The following NCBP2AS2 variants were observed in gnomAD, a reference collection of about 807,000 sequenced individuals.
NCBP2AS2 encodes protein NCBP2AS2.
For missense variants in NCBP2AS2, 125 were observed against 56.0 expected (o/e 2.23, Z -3.93); for synonymous variants, 67 against 28.0 (o/e 2.39, Z -4.40).
rs1393967219 is a variant in NCBP2AS2 at position 196,942,839 on chromosome 3, G to A, written c.123G>A (p.Gln41=). ...QLTAFALLQA[Q]LRGQDAARRL... The stretch of plus-strand genomic sequence containing the variant: ...CGGCCTTCGCACTGCTGCAGGCCCA[G>A]CTGCGGGGCCAGGACGCGGCCCGCC... The change falls in exon 1 of 1, where the codon CAG becomes CAA. Residue 41 remains glutamine (Q), a synonymous_variant. Transcript: ENST00000602845. 5 of 697,884 alleles carry A rather than the reference G, an allele frequency of 7.2e-6. No individual in the cohort carries two copies. The highest frequency in any genetic ancestry group is 1.0e-5 in the Non-Finnish European group (4 of 382,858). The allele number at this position is 697,884 out of a possible 1,614,324, so 43.2% of individuals were successfully genotyped here.
Position 196,943,177 on chromosome 3 carries a change from C to G in NCBP2AS2, c.*161C>G, listed in dbSNP as rs949284005. 2 of 557,584 alleles carry G rather than the reference C, an allele frequency of 3.6e-6. No individual in the cohort carries two copies. Among genetic ancestry groups the G allele is most frequent in the African/African-American group, 4.1e-5 (2 of 49,166 alleles). 34.5% of individuals were successfully genotyped at this position (557,584 alleles called of 1,614,324 possible). A position where few individuals can be genotyped will look rare whatever the true frequency, so the allele number is the denominator to read the frequency against. ...GCATAAGAGCCTAGGCCAGACCGCC[C>G]GCTCCGTTGAAGTCTTGTGATTGGA... On this transcript the variant is annotated 3_prime_UTR_variant, in exon 1 of 1. Coordinates refer to ENST00000602845, the MANE Select transcript of NCBP2AS2 (RefSeq NM_001355243.2).
chr3:196,943,313 C>A lies in NCBP2AS2; in HGVS notation c.*297C>A. On this transcript the variant is annotated 3_prime_UTR_variant, in exon 1 of 1. Transcript: ENST00000602845. ...CCGAAGCCAGAGAGCCTTTCCTCTGCAAGTGGGACTGAAACTCTTGACAGA... is the reference window on the plus strand; with the variant it reads ...CCGAAGCCAGAGAGCCTTTCCTCTGAAAGTGGGACTGAAACTCTTGACAGA... 2.6e-6 allele frequency: 1 copy of A among 381,838 alleles called. No homozygotes were observed. Among genetic ancestry groups the A allele is most frequent in the Non-Finnish European group, 4.7e-6 (1 of 214,104 alleles). 23.7% of individuals were successfully genotyped at this position (381,838 alleles called of 1,614,324 possible).
rs879354310 is a variant in NCBP2AS2 at position 196,942,705 on chromosome 3, C to G, written c.-12C>G. The G allele has an allele frequency of 6.9e-6, 5 of 722,590 alleles. No homozygotes were observed. In the South Asian group the frequency reaches 7.5e-5, roughly 11 times the overall value. The allele number at this position is 722,590 out of a possible 1,614,324, so 44.8% of individuals were successfully genotyped here. On this transcript the variant is annotated 5_prime_UTR_variant, in exon 1 of 1. Coordinates refer to ENST00000602845, the MANE Select transcript of NCBP2AS2 (RefSeq NM_001355243.2). ...GAGGGCGGCGAGGTCGGGTTCCGGG[C>G]GCTTGGAGAAGATGGTGCTGCGGCG...
In NCBP2AS2 at chr3:196,942,906, C is replaced by T; in HGVS notation, c.190C>T (p.Arg64Cys). 1.4e-6 allele frequency: 1 copy of T among 700,924 alleles called. No individual in the cohort carries two copies. Among genetic ancestry groups the T allele is most frequent in the Non-Finnish European group, 2.6e-6 (1 of 384,166 alleles). The allele number at this position is 700,924 out of a possible 1,614,324, so 43.4% of individuals were successfully genotyped here. A position where few individuals can be genotyped will look rare whatever the true frequency, so the allele number is the denominator to read the frequency against. Residue 64 changes from arginine (R) to cysteine (C), a missense_variant, in exon 1 of 1, where the codon CGC becomes TGC. Physicochemically the swap from Arg to Cys is radical, Grantham distance 180. Coordinates refer to ENST00000602845, the MANE Select transcript of NCBP2AS2 (RefSeq NM_001355243.2). ...GGCTGGGCCCGTGGGCTCCCTGTGC[C>T]GCCGCGCTGAGCGATTTAGAGACGC... ...LAAGPVGSLC[R>C]RAERFRDAFT...
chr3:196,942,680 G>A lies in NCBP2AS2; in HGVS notation c.-37G>A, dbSNP rs552117421. 12 of 795,582 alleles carry A rather than the reference G, an allele frequency of 1.5e-5. No homozygotes were observed. Among genetic ancestry groups the A allele is most frequent in the Non-Finnish European group, 2.3e-5 (11 of 484,502 alleles). 49.3% of individuals were successfully genotyped at this position (795,582 alleles called of 1,614,324 possible). On this transcript the variant is annotated 5_prime_UTR_variant, in exon 1 of 1. Transcript: ENST00000602845. ...GGTCGGGCGCCGCGGGGCGGAAGAC[G>A]AGGGCGGCGAGGTCGGGTTCCGGGC... is the stretch of plus-strand genomic sequence containing the variant.
In NCBP2AS2 at chr3:196,942,908, C is replaced by G. The variant is rs986977168; in HGVS notation, c.192C>G (p.Arg64=). 6 of 700,798 alleles carry G rather than the reference C, an allele frequency of 8.6e-6. No homozygotes were observed. In the Admixed American group the frequency reaches 1.2e-4, roughly 14 times the overall value. The allele number at this position is 700,798 out of a possible 1,614,324, so 43.4% of individuals were successfully genotyped here. A position where few individuals can be genotyped will look rare whatever the true frequency, so the allele number is the denominator to read the frequency against. The change falls in exon 1 of 1, where the codon CGC becomes CGG. Residue 64 remains arginine, a synonymous_variant. Transcript: ENST00000602845. ...LAAGPVGSLC[R]RAERFRDAFT... is the part of the protein sequence containing the mutation. ...CTGGGCCCGTGGGCTCCCTGTGCCG[C>G]CGCGCTGAGCGATTTAGAGACGCCT... is the stretch of plus-strand genomic sequence containing the variant.
rs1716699042 is a variant in NCBP2AS2 at position 196,943,160 on chromosome 3, G to T, written c.*144G>T. On this transcript the variant is annotated 3_prime_UTR_variant, in exon 1 of 1. Transcript: ENST00000602845. ...GCCTGCAGACATCCCACGCATAAGAGCCTAGGCCAGACCGCCCGCTCCGTT... is the reference window on the plus strand; with the variant it reads ...GCCTGCAGACATCCCACGCATAAGATCCTAGGCCAGACCGCCCGCTCCGTT... 1 of 570,920 alleles carries T rather than the reference G, an allele frequency of 1.8e-6. No individual in the cohort carries two copies. The allele number at this position is 570,920 out of a possible 1,614,324, so 35.4% of individuals were successfully genotyped here. A position where few individuals can be genotyped will look rare whatever the true frequency, so the allele number is the denominator to read the frequency against.
In NCBP2AS2 at chr3:196,943,015, A is replaced by G. The variant is rs1292160837; in HGVS notation, c.299A>G (p.Ter100=). 2 of 674,820 alleles carry G rather than the reference A, an allele frequency of 3.0e-6. No homozygotes were observed. Among genetic ancestry groups the G allele is most frequent in the East Asian group, 5.6e-5 (2 of 35,800 alleles). The allele number at this position is 674,820 out of a possible 1,614,324, so 41.8% of individuals were successfully genotyped here. A position where few individuals can be genotyped will look rare whatever the true frequency, so the allele number is the denominator to read the frequency against. ...CAGAGGGGCCCTGGCGCAAACATTT[A>G]ATCCTGGGCTGTGCGGGGCCGAGGC... ...GSQRGPGANI[*] is the part of the protein sequence containing the mutation. The change falls in exon 1 of 1, where the codon TAA becomes TGA. Residue 100 remains the stop codon, a stop_retained_variant. Coordinates refer to ENST00000602845, the MANE Select transcript of NCBP2AS2 (RefSeq NM_001355243.2).
chr3:196,942,767 G>T lies in NCBP2AS2; in HGVS notation c.51G>T (p.Val17=). The T allele has an allele frequency of 1.4e-6, 1 of 700,590 alleles. No homozygotes were observed. The allele number at this position is 700,590 out of a possible 1,614,324, so 43.4% of individuals were successfully genotyped here. The change falls in exon 1 of 1, where the codon GTG becomes GTT. Residue 17 remains valine (V), a synonymous_variant. Transcript: ENST00000602845. ...CCCTGCTGCACAGCCCGCAGCTGGT[G>T]GAACGTCTGTCAGAGTCGCGGCCTA... ...LAALLHSPQL[V]ERLSESRPIR...
rs1027647143 is a variant in NCBP2AS2, at chr3:196,942,685, C to T, written c.-32C>T. The T allele has an allele frequency of 1.5e-5, 12 of 779,286 alleles. No individual in the cohort carries two copies. Among genetic ancestry groups the T allele is most frequent in the South Asian group, 6.0e-5 (4 of 66,590 alleles). 48.3% of individuals were successfully genotyped at this position (779,286 alleles called of 1,614,324 possible). On this transcript the variant is annotated 5_prime_UTR_variant, in exon 1 of 1. Transcript: ENST00000602845. ...GGCGCCGCGGGGCGGAAGACGAGGG[C>T]GGCGAGGTCGGGTTCCGGGCGCTTG...
In NCBP2AS2 at chr3:196,943,071, G is replaced by T. The variant is rs1247200684; in HGVS notation, c.*55G>T. Reference sequence around the variant, plus strand: ...GCTTTTCCTTCCGGGCTCTACAGTGGCATCAATGTGGAGGGGTCATTCCGG... The same window carrying T: ...GCTTTTCCTTCCGGGCTCTACAGTGTCATCAATGTGGAGGGGTCATTCCGG... On this transcript the variant is annotated 3_prime_UTR_variant, in exon 1 of 1. Coordinates refer to ENST00000602845, the MANE Select transcript of NCBP2AS2 (RefSeq NM_001355243.2). 3 of 640,272 alleles carry T rather than the reference G, an allele frequency of 4.7e-6. No individual in the cohort carries two copies. Among genetic ancestry groups the T allele is most frequent in the Non-Finnish European group, 2.8e-6 (1 of 363,170 alleles). 39.7% of individuals were successfully genotyped at this position (640,272 alleles called of 1,614,324 possible).
rs750096950 is a variant in NCBP2AS2 at position 196,942,731 on chromosome 3, G to A, written c.15G>A (p.Arg5=). 11 of 699,492 alleles carry A rather than the reference G, an allele frequency of 1.6e-5. No individual in the cohort carries two copies. The highest frequency in any genetic ancestry group is 2.8e-5 in the Non-Finnish European group (11 of 387,934). 43.3% of individuals were successfully genotyped at this position (699,492 alleles called of 1,614,324 possible). The part of the protein sequence containing the change: MVLR[R]LLAALLHSPQ... ...GCTTGGAGAAGATGGTGCTGCGGCG[G>A]CTGCTGGCCGCCCTGCTGCACAGCC... The change falls in exon 1 of 1, where the codon CGG becomes CGA. Residue 5 remains arginine, a synonymous_variant. Coordinates refer to ENST00000602845, the MANE Select transcript of NCBP2AS2 (RefSeq NM_001355243.2).
At position 196,942,926 on chromosome 3, in the gene NCBP2AS2, A is replaced by G. The variant is rs61731269; in HGVS notation, c.210A>G (p.Arg70=). The G allele has an allele frequency of 4.5e-4, 315 of 701,290 alleles. 1 individual carries two copies. In the African/African-American group the frequency reaches 5.1e-3, roughly 11 times the overall value. The allele number at this position is 701,290 out of a possible 1,614,324, so 43.4% of individuals were successfully genotyped here. A position where few individuals can be genotyped will look rare whatever the true frequency, so the allele number is the denominator to read the frequency against. The change falls in exon 1 of 1, where the codon AGA becomes AGG. Residue 70 remains arginine, a synonymous_variant. Coordinates refer to ENST00000602845, the MANE Select transcript of NCBP2AS2 (RefSeq NM_001355243.2). ...TGTGCCGCCGCGCTGAGCGATTTAG[A>G]GACGCCTTCACCCAGGAGCTACGCC... ...GSLCRRAERF[R]DAFTQELRRG... is the part of the protein sequence containing the mutation.
Position 196,943,444 on chromosome 3 carries a change from G to C in NCBP2AS2, c.*428G>C, listed in dbSNP as rs537355177. The C allele has an allele frequency of 1.7e-5, 3 of 178,812 alleles. No individual in the cohort carries two copies. The highest frequency in any genetic ancestry group is 7.2e-5 in the African/African-American group (3 of 41,856). The allele number at this position is 178,812 out of a possible 1,614,324, so 11.1% of individuals were successfully genotyped here. A position where few individuals can be genotyped will look rare whatever the true frequency, so the allele number is the denominator to read the frequency against. On this transcript the variant is annotated 3_prime_UTR_variant, in exon 1 of 1. Coordinates refer to ENST00000602845, the MANE Select transcript of NCBP2AS2 (RefSeq NM_001355243.2). ...ATTCCTTTGATTAAATGTGTGAGCT[G>C]GTTGATAGGCATGAGTGTGATACTT...
Position 196,943,071 on chromosome 3 carries a change from G to C in NCBP2AS2, c.*55G>C, listed in dbSNP as rs1247200684. 20 of 640,272 alleles carry C rather than the reference G, an allele frequency of 3.1e-5. 1 individual carries two copies. In the South Asian group the frequency reaches 3.4e-4, roughly 11 times the overall value. 39.7% of individuals were successfully genotyped at this position (640,272 alleles called of 1,614,324 possible). Reference sequence around the variant, plus strand: ...GCTTTTCCTTCCGGGCTCTACAGTGGCATCAATGTGGAGGGGTCATTCCGG... The same window carrying C: ...GCTTTTCCTTCCGGGCTCTACAGTGCCATCAATGTGGAGGGGTCATTCCGG... On this transcript the variant is annotated 3_prime_UTR_variant, in exon 1 of 1. Transcript: ENST00000602845.
At position 196,943,111 on chromosome 3, in the gene NCBP2AS2, T is replaced by G. The variant is rs1008385859; in HGVS notation, c.*95T>G. 3.8e-5 allele frequency: 23 copies of G among 606,222 alleles called. No individual in the cohort carries two copies. Among genetic ancestry groups the G allele is most frequent in the African/African-American group, 3.7e-4 (19 of 50,826 alleles). The allele number at this position is 606,222 out of a possible 1,614,324, so 37.6% of individuals were successfully genotyped here. A position where few individuals can be genotyped will look rare whatever the true frequency, so the allele number is the denominator to read the frequency against. ...GGTCATTCCGGGCACTGCGCGCGGC[T>G]TCGAATCCCGACTGGGATTGTTGGC... On this transcript the variant is annotated 3_prime_UTR_variant, in exon 1 of 1. Coordinates refer to ENST00000602845, the MANE Select transcript of NCBP2AS2 (RefSeq NM_001355243.2).
chr3:196,942,675 A>AAGACGAGGGCGGC lies in NCBP2AS2; in HGVS notation c.-41_-29dup, dbSNP rs1188500847. ...GTCCGGGTCGGGCGCCGCGGGGCGGAAGACGAGGGCGGCGAGGTCGGGTTC... is the reference window on the plus strand; with the variant it reads ...GTCCGGGTCGGGCGCCGCGGGGCGGAAGACGAGGGCGGCAGACGAGGGCGGCGAGGTCGGGTTC... On this transcript the variant is annotated 5_prime_UTR_variant, in exon 1 of 1. Transcript: ENST00000602845. 2.4e-6 allele frequency: 2 copies of AAGACGAGGGCGGC among 835,902 alleles called. No homozygotes were observed. Among genetic ancestry groups the AAGACGAGGGCGGC allele is most frequent in the East Asian group, 5.4e-5 (2 of 37,354 alleles). The allele number at this position is 835,902 out of a possible 1,614,324, so 51.8% of individuals were successfully genotyped here.
rs1328318089 is a variant in NCBP2AS2, at chr3:196,943,040, C to T, written c.*24C>T. 3 of 654,998 alleles carry T rather than the reference C, an allele frequency of 4.6e-6. No homozygotes were observed. Among genetic ancestry groups the T allele is most frequent in the East Asian group, 2.8e-5 (1 of 35,206 alleles). 40.6% of individuals were successfully genotyped at this position (654,998 alleles called of 1,614,324 possible). ...AATCCTGGGCTGTGCGGGGCCGAGGCCGCTTGCTTTTCCTTCCGGGCTCTA... is the reference window on the plus strand; with the variant it reads ...AATCCTGGGCTGTGCGGGGCCGAGGTCGCTTGCTTTTCCTTCCGGGCTCTA... On this transcript the variant is annotated 3_prime_UTR_variant, in exon 1 of 1. Coordinates refer to ENST00000602845, the MANE Select transcript of NCBP2AS2 (RefSeq NM_001355243.2).
At position 196,942,958 on chromosome 3, in the gene NCBP2AS2, T is replaced by G; in HGVS notation, c.242T>G (p.Leu81Arg). ...DAFTQELRRG[L>R]RGRSGPPPGS... is the part of the protein sequence containing the mutation. Reference sequence around the variant, plus strand: ...TTCACCCAGGAGCTACGCCGCGGCCTCCGAGGCCGCTCGGGGCCACCACCA... The same window carrying G: ...TTCACCCAGGAGCTACGCCGCGGCCGCCGAGGCCGCTCGGGGCCACCACCA... The change falls in exon 1 of 1, where the codon CTC becomes CGC. Residue 81 changes from leucine to arginine, a missense_variant. By Grantham distance (102) the Leu-to-Arg change is moderately radical. Coordinates refer to ENST00000602845, the MANE Select transcript of NCBP2AS2 (RefSeq NM_001355243.2). 1.4e-6 allele frequency: 1 copy of G among 699,342 alleles called. No homozygotes were observed. The allele number at this position is 699,342 out of a possible 1,614,324, so 43.3% of individuals were successfully genotyped here. A position where few individuals can be genotyped will look rare whatever the true frequency, so the allele number is the denominator to read the frequency against.
Sources: allele counts gnomAD v4.1 joint callset, GRCh38; gene constraint gnomAD v4.1.1; transcripts MANE v1.5; gene names NCBI Gene and HGNC (gene_info 2026-07-23, HGNC 2026-07-21).